The following ADSS1 variants were observed in gnomAD, a reference collection of about 807,000 sequenced individuals.
ADSS1 encodes adenylosuccinate synthase 1.
In ADSS1, 57 loss-of-function variants were observed where a neutral mutation model predicts 59.1. The ratio of observed to expected loss-of-function variants is 0.97; its 90% CI spans 0.78 to 1.20. The LOEUF is 1.20. Among genes scored for constraint, ADSS1 ranks in the 50% most tolerant of loss-of-function variants. The pLI is 0.00. For missense variants in ADSS1, 603 were observed against 610.3 expected (o/e 0.99, Z 0.13); for synonymous variants, 247 against 249.4 (o/e 0.99, Z 0.09).
In ADSS1 at chr14:104,740,922, T is replaced by C; in HGVS notation, c.666+2T>C. The C allele has an allele frequency of 6.2e-7, 1 of 1,613,870 alleles. No individual in the cohort carries two copies. Among genetic ancestry groups the C allele is most frequent in the Non-Finnish European group, 8.5e-7 (1 of 1,179,996 alleles). On this transcript the variant is annotated splice_donor_variant, in intron 7 of 12. Transcript: ENST00000330877. LOFTEE classifies it high-confidence loss of function. The surrounding 1 kb of genome is among the most constrained non-coding windows in gnomAD (Gnocchi z 4.8). ...GAAGGCCAACTCAAAAGGCTCAAGG[T>C]GAAGTCGGGGCCGCAGTGTGGGGGC...
chr14:104,746,208 C>T (rs1446146336), intron 11 of ADSS1, 28 bp from the exon 12 acceptor site: 1 of 1,582,490 alleles, frequency 6.3e-7, no homozygotes, highest in African/African-American at 1.3e-5. Context: ...TCTGTGGGCC[C>T]CACTCATCTC....
Position 104,724,339 on chromosome 14 carries a change from G to T in ADSS1, c.69G>T (p.Gln23His), listed in dbSNP as rs1890656390. 3 of 1,241,832 alleles carry T rather than the reference G, an allele frequency of 2.4e-6. No individual in the cohort carries two copies. The highest frequency in any genetic ancestry group is 3.0e-6 in the Non-Finnish European group (3 of 989,102). 76.9% of individuals were successfully genotyped at this position (1,241,832 alleles called of 1,614,324 possible). Residue 23 changes from glutamine to histidine, a missense_variant, in exon 1 of 13, where the codon CAG becomes CAT. Transcript: ENST00000330877. ...GCGGCGTCAAGCGGGGGCGGCTGCA[G>T]CAGGAGGCGGCGGCGACCGGCTCCC... is the stretch of plus-strand genomic sequence containing the variant. ...GAGGVKRGRLQQEAAATGSRV... is the reference protein window; with the variant it reads ...GAGGVKRGRLHQEAAATGSRV...
At chr14:104,741,427 G>A (rs1566801208) in intron 8 of ADSS1, among the ~76,000 whole-genome samples, 184 bp downstream of exon 8, 1 of 152,186 alleles carries the variant, frequency 6.6e-6, no homozygotes. Flanking sequence ...GCAAGGGAGG[G>A]GAGAGGAGAA....
intron 10 of ADSS1, chr14:104,744,538 C>G (rs958944284): frequency 2.5e-6 from 1 of 393,310 alleles, no homozygotes; most frequent in Non-Finnish European, 4.6e-6. Flanking sequence ...AGCATGTGGC[C>G]TAGATCCCTC....
At position 104,731,509 on chromosome 14, in the gene ADSS1, G is replaced by C. The variant is rs57098433; in HGVS notation, c.193-3511G>C. Among the ~76,000 whole-genome samples the C allele has an allele frequency of 2.9e-3, 440 of 152,110 alleles. 1 individual carries two copies. The highest frequency in any genetic ancestry group is 0.01 in the African/African-American group (427 of 41,480). ...CAGTGGGCATCTTAGGTAAATGCAG[G>C]ACTCTGCAGCCCCTAGAGGACCCTG... On this transcript the variant is annotated intron_variant, in intron 1 of 12. Coordinates refer to ENST00000330877, the MANE Select transcript of ADSS1 (RefSeq NM_152328.5).
At chr14:104,735,569 G>A (rs1317335706) in intron 2 of ADSS1, among the ~76,000 whole-genome samples, 5 of 152,196 alleles carry the variant, frequency 3.3e-5, no homozygotes, top group Non-Finnish European at 7.4e-5. Context: ...GCCCTCCCCG[G>A]CCCTGCCGAG....
chr14:104,732,706 G>A (rs1203368915), intron 1 of ADSS1, among the ~76,000 whole-genome samples: 2 of 152,214 alleles, frequency 1.3e-5, no homozygotes, highest in East Asian at 1.9e-4. Flanking sequence ...GTCATCCCTC[G>A]ACGCCTGCCC....
intron 1 of ADSS1, 81 bp from the exon 2 acceptor site, chr14:104,734,939 C>G: frequency 2.4e-6 from 3 of 1,240,778 alleles, no homozygotes; most frequent in Non-Finnish European, 3.5e-6. Context: ...CAGGGACAGA[C>G]GAAGCCCCAT....
At chr14:104,733,352 G>A (rs1261303229) in intron 1 of ADSS1, among the ~76,000 whole-genome samples, 3 of 152,218 alleles carry the variant, frequency 2.0e-5, no homozygotes, top group Non-Finnish European at 2.9e-5. Context: ...TCTGAGTGCT[G>A]CCTAATCTGC....
chr14:104,735,069 A>T lies in ADSS1; in HGVS notation c.242A>T (p.Asp81Val). 1 of 1,613,490 alleles carries T rather than the reference A, an allele frequency of 6.2e-7. No individual in the cohort carries two copies. The highest frequency in any genetic ancestry group is 8.5e-7 in the Non-Finnish European group (1 of 1,179,750). The change falls in exon 2 of 13, where the codon GAC becomes GTC. Residue 81 changes from aspartate (D) to valine (V), a missense_variant. Asp to Val is a radical substitution (Grantham distance 152, BLOSUM62 -3). Coordinates refer to ENST00000330877, the MANE Select transcript of ADSS1 (RefSeq NM_152328.5). ...HTVVVDGKEY[D>V]FHLLPSGIIN... ...GTGGTGGTGGATGGGAAAGAGTACG[A>T]CTTCCACCTGCTGCCCAGCGGCATC...
At chr14:104,725,993 C>A (rs1401778156) in intron 1 of ADSS1, among the ~76,000 whole-genome samples, 2 of 152,262 alleles carry the variant, frequency 1.3e-5, no homozygotes, top group African/African-American at 4.8e-5. Context: ...CCCACCCAGT[C>A]CCCCCACAGC....
At position 104,724,333 on chromosome 14, in the gene ADSS1, G is replaced by T; in HGVS notation, c.63G>T (p.Arg21=). Reference sequence around the variant, plus strand: ...GCGCAGGCGGCGTCAAGCGGGGGCGGCTGCAGCAGGAGGCGGCGGCGACCG... The same window carrying T: ...GCGCAGGCGGCGTCAAGCGGGGGCGTCTGCAGCAGGAGGCGGCGGCGACCG... ...PPGAGGVKRG[R]LQQEAAATGS... The change falls in exon 1 of 13, where the codon CGG becomes CGT. Residue 21 remains arginine, a synonymous_variant. Transcript: ENST00000330877. The T allele has an allele frequency of 8.1e-7, 1 of 1,240,498 alleles. No individual in the cohort carries two copies. The highest frequency in any genetic ancestry group is 1.0e-6 in the Non-Finnish European group (1 of 988,810). 76.8% of individuals were successfully genotyped at this position (1,240,498 alleles called of 1,614,324 possible). A position where few individuals can be genotyped will look rare whatever the true frequency, so the allele number is the denominator to read the frequency against.
intron 1 of ADSS1, among the ~76,000 whole-genome samples, chr14:104,729,221 C>T (rs1890808439): frequency 6.6e-6 from 1 of 152,022 alleles, no homozygotes; most frequent in Non-Finnish European, 1.5e-5. Flanking sequence ...GCAAGTGGGC[C>T]GGGAGTGGAG....
intron 1 of ADSS1, among the ~76,000 whole-genome samples, chr14:104,727,837 C>T (rs761495211): frequency 5.2e-4 from 79 of 152,212 alleles, no homozygotes; most frequent in Non-Finnish European, 5.7e-4. Context: ...AGGGCTCCAG[C>T]GCGCCCTGGT....
chr14:104,744,168 G>A (rs1203419665), intron 10 of ADSS1, among the ~76,000 whole-genome samples: 2 of 152,098 alleles, frequency 1.3e-5, no homozygotes, highest in African/African-American at 2.4e-5. Flanking sequence ...CCCTAAACAC[G>A]GCTGTGCTGT....
In ADSS1 at chr14:104,740,891, G is replaced by C; in HGVS notation, c.637G>C (p.Asp213His). ...HQSMFPTLEI[D>H]IEGQLKRLKG... ...GTCGATGTTCCCCACCCTGGAAATA[G>C]ACATTGAAGGCCAACTCAAAAGGCT... is the stretch of plus-strand genomic sequence containing the variant. Residue 213 changes from aspartate to histidine, a missense_variant, in exon 7 of 13, where the codon GAC becomes CAC. By Grantham distance (81) the Asp-to-His change is moderately conservative. Coordinates refer to ENST00000330877, the MANE Select transcript of ADSS1 (RefSeq NM_152328.5). This position sits in a 1 kb window ranked among gnomAD's most constrained non-coding sequence, Gnocchi z 4.8. The C allele has an allele frequency of 6.2e-7, 1 of 1,613,982 alleles. No individual in the cohort carries two copies. Among genetic ancestry groups the C allele is most frequent in the Non-Finnish European group, 8.5e-7 (1 of 1,180,022 alleles).
At chr14:104,739,863 G>T in intron 5 of ADSS1, 47 bp downstream of exon 5, 2 of 1,596,152 alleles carry the variant, frequency 1.3e-6, no homozygotes, top group Non-Finnish European at 8.6e-7. Context: ...TTCTGGGCCC[G>T]TAAGCCGGTA....
chr14:104,737,606 C>T (rs1891181047), intron 2 of ADSS1: 1 of 152,422 alleles, frequency 6.6e-6, no homozygotes, highest in Non-Finnish European at 1.5e-5. Context: ...ATGTGTTTTG[C>T]ATCCATCACC....
intron 9 of ADSS1, 145 bp from the exon 10 acceptor site, chr14:104,742,922 G>A: frequency 8.1e-7 from 1 of 1,228,130 alleles, no homozygotes; most frequent in South Asian, 1.4e-5. Context: ...GGGATGTCCG[G>A]GAGCTGGATG....
Sources: gnomAD v4.1 joint callset for allele counts (sites outside exome capture counted in the v4.1 genomes callset) on GRCh38, gnomAD v4.1.1 for gene constraint, Gnocchi (gnomAD v3.1) non-coding constraint, MANE v1.5 for transcripts, NCBI Gene and HGNC (gene_info 2026-07-23, HGNC 2026-07-21) for gene names.